The following ANK2 variants were observed in gnomAD, a reference collection of about 807,000 sequenced individuals.
The protein encoded by ANK2 is ankyrin-2.
A neutral mutation model predicts 360.5 loss-of-function variants in ANK2; 83 were observed. That is an observed-to-expected ratio of 0.23 (90% CI 0.19 to 0.28). The LOEUF is 0.28. ANK2 is among the 10% of genes least tolerant of loss of function. The probability of loss-of-function intolerance (pLI) is 1.00; values close to 1 mark genes in which losing one functional copy is unlikely to be tolerated. For synonymous variants in ANK2, 1,740 were observed against 1,759.5 expected, an observed-to-expected ratio of 0.99 and a Z score of 0.28; for missense variants, 4,201 against 4,795.7, an observed-to-expected ratio of 0.88 and a Z score of 3.66.
the ANK2 span, among the ~76,000 whole-genome samples, chr4:112,799,316 G>T: frequency 2.6e-5 from 4 of 152,044 alleles, no homozygotes; most frequent in Admixed American, 2.0e-4. Context: ...GCCTGCTTCC[G>T]ATTCTTTCTG....
At chr4:112,878,482 A>G (rs2075797327) in intron 1 of ANK2, among the ~76,000 whole-genome samples, 1 of 151,666 alleles carries the variant, frequency 6.6e-6, no homozygotes, top group Admixed American at 6.6e-5. Flanking sequence ...ATGCGCCACC[A>G]CGCCCAGTTA....
chr4:112,847,845 T>C (rs1396474466), intron 1 of ANK2, among the ~76,000 whole-genome samples: 1 of 152,210 alleles, frequency 6.6e-6, no homozygotes, highest in African/African-American at 2.4e-5. Context: ...CTTCACAGTC[T>C]AGTTCTAGCT....
chr4:112,757,181 C>T, the ANK2 span, among the ~76,000 whole-genome samples: 33 of 147,492 alleles, frequency 2.2e-4, no homozygotes, highest in Non-Finnish European at 2.7e-4. Flanking sequence ...GGCGCAATCT[C>T]GGCTCACTGC....
chr4:113,323,530 A>C (rs944403632), intron 26 of ANK2, among the ~76,000 whole-genome samples: 2 of 152,170 alleles, frequency 1.3e-5, no homozygotes, highest in African/African-American at 4.8e-5. Context: ...ATGTTGACCA[A>C]GGTTAAAAAC....
At position 113,355,112 on chromosome 4, in the gene ANK2, A is replaced by T; in HGVS notation, c.6494A>T (p.His2165Leu). 2 of 1,614,128 alleles carry T rather than the reference A, an allele frequency of 1.2e-6. No homozygotes were observed. Among genetic ancestry groups the T allele is most frequent in the Non-Finnish European group, 1.7e-6 (2 of 1,179,984 alleles). Residue 2165 changes from histidine (H) to leucine (L), a missense_variant, in exon 38 of 46, where the codon CAC becomes CTC. His to Leu is a moderately conservative substitution (Grantham distance 99). This residue lies in a region of ANK2 where 2,642 missense variants were observed against 2,714.5 expected (regional missense o/e 0.97). Transcript: ENST00000357077. ...LSEETEKAQLHLDQVLTSPFN... is the reference protein window; with the variant it reads ...LSEETEKAQLLLDQVLTSPFN... The stretch of plus-strand genomic sequence containing the variant: ...GAGGAGACAGAAAAGGCACAGCTTC[A>T]CTTAGACCAAGTACTCACTAGTCCT...
At chr4:113,269,473 A>C (rs1586700313) in intron 14 of ANK2, among the ~76,000 whole-genome samples, 1 of 152,262 alleles carries the variant, frequency 6.6e-6, no homozygotes, top group Non-Finnish European at 1.5e-5. Flanking sequence ...TATCTGGGCC[A>C]GAGTGCACCA....
At chr4:113,301,378 TACACACACACACACACAC>T (rs59844602) in intron 22 of ANK2, among the ~76,000 whole-genome samples, 8 of 149,498 alleles carry the variant, frequency 5.4e-5, no homozygotes, top group African/African-American at 1.2e-4. Flanking sequence ...GATGTTTTGA[TACACACACACACACACAC>T]ACACACACAC....
intron 1 of ANK2, among the ~76,000 whole-genome samples, chr4:113,128,798 A>T (rs918241847): frequency 6.6e-6 from 1 of 152,110 alleles, no homozygotes; most frequent in Non-Finnish European, 1.5e-5. Context: ...TGTTTTTAAT[A>T]TATACACAGA....
In ANK2 at chr4:113,039,978, T is replaced by C. The variant is rs545194349; in HGVS notation, c.22-134438T>C. On this transcript the variant is annotated intron_variant, in intron 2 of 30. Transcript: ENST00000503271. Reference sequence around the variant, plus strand: ...GAAAAAAATTTGCGATAACTTATTTTTAAGCTGGTTTAAGATAGAAAATGT... The same window carrying C: ...GAAAAAAATTTGCGATAACTTATTTCTAAGCTGGTTTAAGATAGAAAATGT... Among the ~76,000 whole-genome samples, 9 of 152,152 alleles carry C rather than the reference T, an allele frequency of 5.9e-5. No homozygotes were observed. In the East Asian group the frequency reaches 1.7e-3, roughly 30 times the overall value.
chr4:112,887,064 A>G (rs940583223), intron 1 of ANK2, among the ~76,000 whole-genome samples: 2 of 152,180 alleles, frequency 1.3e-5, no homozygotes, highest in African/African-American at 4.8e-5. Flanking sequence ...ATATGAAATA[A>G]TTTATTTCTC....
intron 1 of ANK2, among the ~76,000 whole-genome samples, chr4:113,084,881 A>G (rs377387314): frequency 2.6e-5 from 4 of 152,326 alleles, no homozygotes; most frequent in South Asian, 4.1e-4. Flanking sequence ...TAGCCTCTCA[A>G]TGAGCCTCTG....
the ANK2 span, among the ~76,000 whole-genome samples, chr4:112,777,277 C>T: frequency 3.3e-5 from 5 of 152,160 alleles, no homozygotes; most frequent in Middle Eastern, 0.01. Context: ...CTTGCTCTGT[C>T]GCTCAGGCTG....
chr4:113,256,023 G>A (rs1425101375), intron 11 of ANK2, 91 bp downstream of exon 11: 15 of 1,436,008 alleles, frequency 1.0e-5, no homozygotes, highest in Non-Finnish European at 1.5e-5. Flanking sequence ...AGCAATGCAA[G>A]GTTACAGATA....
upstream of ANK2, among the ~76,000 whole-genome samples, chr4:113,047,862 T>C (rs972010060): frequency 4.0e-5 from 6 of 151,854 alleles, no homozygotes; most frequent in African/African-American, 1.5e-4. Context: ...CTTAGGGTGG[T>C]AAGGCAGAGA....
chr4:113,200,951 G>A (rs1268117599), intron 4 of ANK2, among the ~76,000 whole-genome samples: 1 of 152,012 alleles, frequency 6.6e-6, no homozygotes, highest in Non-Finnish European at 1.5e-5. Context: ...ACGGGTTGAT[G>A]GGTGCAGCAA....
upstream of ANK2, among the ~76,000 whole-genome samples, chr4:112,816,809 G>A (rs1190373747): frequency 1.3e-5 from 2 of 152,196 alleles, no homozygotes; most frequent in East Asian, 3.9e-4. Flanking sequence ...TCAGCAGTTC[G>A]AGACCAGCCT....
chr4:113,077,677 A>C (rs925231506), intron 1 of ANK2, among the ~76,000 whole-genome samples: 2 of 152,236 alleles, frequency 1.3e-5, no homozygotes, highest in Non-Finnish European at 2.9e-5. Flanking sequence ...CCTTAAACTA[A>C]TGGAGCTATT....
chr4:113,155,249 G>A (rs13138151), intron 1 of ANK2, among the ~76,000 whole-genome samples: 103,992 of 151,986 alleles, frequency 0.68, 36,157 homozygotes, highest in African/African-American at 0.8. Flanking sequence ...GTTCTCAGGG[G>A]TTTATATATA....
At chr4:112,764,931 C>G in the ANK2 span, among the ~76,000 whole-genome samples, 1 of 151,590 alleles carries the variant, frequency 6.6e-6, no homozygotes, top group South Asian at 2.1e-4. Context: ...GTCTTGAACT[C>G]CTGACCTCAG....
Sources: allele counts gnomAD v4.1 joint callset (sites outside exome capture counted in the v4.1 genomes callset), GRCh38; gene constraint gnomAD v4.1.1; regional missense constraint gnomAD v4.1.1; transcripts MANE v1.5; gene names NCBI Gene and HGNC (gene_info 2026-07-23, HGNC 2026-07-21).